GNPNAT1: variants seen among roughly 807,000 people sequenced by gnomAD.
The protein encoded by GNPNAT1 is glucosamine 6-phosphate N-acetyltransferase.
A neutral mutation model predicts 19.8 loss-of-function variants in GNPNAT1; 11 were observed. The ratio of observed to expected loss-of-function variants is 0.56; its 90% CI spans 0.35 to 0.92. GNPNAT1 has a LOEUF of 0.92. GNPNAT1 is among the 40% of genes least tolerant of loss of function. The pLI is 0.01. For missense variants in GNPNAT1, 157 were observed against 211.0 expected (o/e 0.74, Z 1.59); for synonymous variants, 71 against 72.3 (o/e 0.98, Z 0.09).
intron 1 of GNPNAT1, among the ~76,000 whole-genome samples, chr14:52,787,323 T>C (rs1883046053): frequency 6.6e-6 from 1 of 152,158 alleles, no homozygotes; most frequent in African/African-American, 2.4e-5. Flanking sequence ...TGTATAATCC[T>C]ATGTAACTAT....
At chr14:52,782,781 G>A (rs1179632884) in intron 3 of GNPNAT1, among the ~76,000 whole-genome samples, 1 of 151,774 alleles carries the variant, frequency 6.6e-6, no homozygotes, top group Non-Finnish European at 1.5e-5. Flanking sequence ...CCTATTATAA[G>A]GAAATGAAGA....
At chr14:52,784,802 G>T in intron 1 of GNPNAT1, 138 bp from the exon 2 acceptor site, 1 of 407,760 alleles carries the variant, frequency 2.5e-6, no homozygotes, top group Non-Finnish European at 4.3e-6. Context: ...AACCCAGCCT[G>T]AATCTAACAT....
In GNPNAT1 at chr14:52,777,669, A is replaced by G. The variant is rs1882770320; in HGVS notation, c.*642T>C. On this transcript the variant is annotated 3_prime_UTR_variant, in exon 6 of 6. Transcript: ENST00000216410. ...AAAAGACAAGTGGTACTTTTTATCT[A>G]CATAGACTATACTATATAAACTTTC... 6.6e-6 allele frequency: 1 copy of G among 152,236 alleles called. No homozygotes were observed. The highest frequency in any genetic ancestry group is 1.5e-5 in the Non-Finnish European group (1 of 68,042). 9.4% of individuals were successfully genotyped at this position (152,236 alleles called of 1,614,324 possible).
chr14:52,786,823 A>G (rs2139972140), intron 1 of GNPNAT1, among the ~76,000 whole-genome samples: 1 of 150,536 alleles, frequency 6.6e-6, no homozygotes, highest in East Asian at 2.0e-4. Context: ...TCCTTATCCA[A>G]AATGCTTGGG....
intron 1 of GNPNAT1, among the ~76,000 whole-genome samples, chr14:52,789,687 T>C (rs543703962): frequency 6.6e-6 from 1 of 152,182 alleles, no homozygotes; most frequent in East Asian, 1.9e-4. Flanking sequence ...TAATTTTATA[T>C]AAATAATCTT....
At position 52,777,066 on chromosome 14, in the gene GNPNAT1, T is replaced by C. The variant is rs1012253074; in HGVS notation, c.*1245A>G. ...TTCTGTTGTTTTGGAAAGCCAACTA[T>C]AGCTGGCTGCATGGAGGGAAATCCA... On this transcript the variant is annotated 3_prime_UTR_variant, in exon 6 of 6. Transcript: ENST00000216410. 3.3e-5 allele frequency: 5 copies of C among 152,240 alleles called. No homozygotes were observed. Among genetic ancestry groups the C allele is most frequent in the African/African-American group, 1.2e-4 (5 of 41,464 alleles). 9.4% of individuals were successfully genotyped at this position (152,240 alleles called of 1,614,324 possible).
intron 1 of GNPNAT1, among the ~76,000 whole-genome samples, chr14:52,788,175 C>T (rs1420633904): frequency 6.6e-6 from 1 of 152,084 alleles, no homozygotes; most frequent in Admixed American, 6.6e-5. Context: ...GGCTGGAGTG[C>T]AGTGGTGCAA....
chr14:52,790,373 CATTTTATAACA>C (rs1883142651), intron 1 of GNPNAT1, among the ~76,000 whole-genome samples: 2 of 152,208 alleles, frequency 1.3e-5, no homozygotes, highest in Non-Finnish European at 2.9e-5. Flanking sequence ...CCTTTATATT[CATTTTATAACA>C]ATTTCGATAA....
Position 52,780,730 on chromosome 14 carries a change from A to G in GNPNAT1, c.356T>C (p.Val119Ala). ...FIHSCAKRGRVEDVVVSDECR... is the reference protein window; with the variant it reads ...FIHSCAKRGRAEDVVVSDECR... ...TTCATCACTAACAACAACATCTTCT[A>G]CTCTTCCTCTCTGAAAATATTTACA... The change falls in exon 5 of 6, where the codon GTA becomes GCA. Residue 119 changes from valine (V) to alanine (A), a missense_variant. Coordinates refer to ENST00000216410, the MANE Select transcript of GNPNAT1 (RefSeq NM_198066.4). 1.3e-6 allele frequency: 2 copies of G among 1,598,548 alleles called. No homozygotes were observed. The highest frequency in any genetic ancestry group is 1.7e-6 in the Non-Finnish European group (2 of 1,167,278).
intron 5 of GNPNAT1, among the ~76,000 whole-genome samples, chr14:52,779,884 G>A (rs913346790): frequency 2.6e-5 from 4 of 152,082 alleles, no homozygotes; most frequent in Non-Finnish European, 5.9e-5. Context: ...AGAAGAGTTA[G>A]TGTTAAAAAG....
At chr14:52,778,784 G>A (rs143311229) in intron 5 of GNPNAT1, among the ~76,000 whole-genome samples, 24 of 152,224 alleles carry the variant, frequency 1.6e-4, no homozygotes, top group African/African-American at 5.5e-4. Context: ...CTGGGAAGCC[G>A]AGGCAGGCGA....
intron 1 of GNPNAT1, among the ~76,000 whole-genome samples, chr14:52,785,921 T>C (rs186345955): frequency 2.0e-4 from 30 of 151,008 alleles, no homozygotes; most frequent in African/African-American, 6.3e-4. Context: ...CTAGTTTTTT[T>C]TGTATTTTTA....
chr14:52,780,140 G>A (rs1882856837), intron 5 of GNPNAT1, among the ~76,000 whole-genome samples: 1 of 152,072 alleles, frequency 6.6e-6, no homozygotes, highest in African/African-American at 2.4e-5. Flanking sequence ...ACCTCAGCCT[G>A]GGTGACAGAG....
At chr14:52,780,637 GA>G in intron 5 of GNPNAT1, 41 bp downstream of exon 5, 3 of 1,338,738 alleles carry the variant, frequency 2.2e-6, no homozygotes, top group Non-Finnish European at 3.2e-6. Flanking sequence ...AACTAAATTG[GA>G]ACAAAATTTA....
In GNPNAT1 at chr14:52,784,575, A is replaced by C; in HGVS notation, c.76T>G (p.Phe26Val). 6.2e-7 allele frequency: 1 copy of C among 1,609,430 alleles called. No individual in the cohort carries two copies. ...EVDWSQNTAT[F>V]SPAISPTHPG... ...TGTGTTGGGGAAATGGCTGGAGAAA[A>C]TGTAGCTGTATTCTGACTCCAGTCC... Residue 26 changes from phenylalanine (F) to valine (V), a missense_variant, in exon 2 of 6, where the codon TTT (phenylalanine) becomes GTT (valine). By Grantham distance (50) the Phe-to-Val change is conservative. Coordinates refer to ENST00000216410, the MANE Select transcript of GNPNAT1 (RefSeq NM_198066.4).
intron 1 of GNPNAT1, among the ~76,000 whole-genome samples, chr14:52,786,429 A>G (rs1883020099): frequency 6.6e-6 from 1 of 151,952 alleles, no homozygotes; most frequent in Non-Finnish European, 1.5e-5. Flanking sequence ...ACTTGAACCC[A>G]GGAGGTGGAG....
At chr14:52,782,232 A>G (rs1882909928) in intron 3 of GNPNAT1, among the ~76,000 whole-genome samples, 1 of 152,078 alleles carries the variant, frequency 6.6e-6, no homozygotes, top group Admixed American at 6.6e-5. Context: ...CAATTTCTTC[A>G]TTTACTTTAA....
Position 52,780,682 on chromosome 14 carries a change from T to C in GNPNAT1, c.404A>G (p.Lys135Arg). Reference sequence around the variant, plus strand: ...TACCTTGTTTCTGCCTACTTACAATTTGCCAAGCTGCTTTCCTCTGCATTC... The same window carrying C: ...TACCTTGTTTCTGCCTACTTACAATCTGCCAAGCTGCTTTCCTCTGCATTC... Reference protein sequence around the residue: ...SDECRGKQLGKLLLSTLTLLS... With the variant: ...SDECRGKQLGRLLLSTLTLLS... The change falls in exon 5 of 6, where the codon AAA becomes AGA. Residue 135 changes from lysine to arginine, a missense_variant. Transcript: ENST00000216410. 1 of 1,600,716 alleles carries C rather than the reference T, an allele frequency of 6.2e-7. No individual in the cohort carries two copies. Among genetic ancestry groups the C allele is most frequent in the Non-Finnish European group, 8.6e-7 (1 of 1,168,680 alleles).
chr14:52,790,164 T>C (rs75723366), intron 1 of GNPNAT1, among the ~76,000 whole-genome samples: 15,882 of 152,178 alleles, frequency 0.1, 862 homozygotes, highest in South Asian at 0.14. Flanking sequence ...GGAATACGAA[T>C]GGGGAGAGAG....
Sources: gnomAD v4.1 joint callset for allele counts (sites outside exome capture counted in the v4.1 genomes callset) on GRCh38, gnomAD v4.1.1 for gene constraint, MANE v1.5 for transcripts, NCBI Gene and HGNC (gene_info 2026-07-23, HGNC 2026-07-21) for gene names.